Variants in DNAAF1 observed in about 807,000 individuals in gnomAD.
DNAAF1 encodes the protein dynein axonemal assembly factor 1, also known as dynein assembly factor 1, axonemal.
DNAAF1 carries 65 observed loss-of-function variants against 71.1 expected under a neutral mutation model. The observed-to-expected ratio is 0.91, with a 90% CI of 0.75 to 1.12. The LOEUF is 1.12. Ranked by LOEUF, DNAAF1 falls within the 50% of genes most tolerant of loss-of-function variation. The pLI is 0.00. For missense variants in DNAAF1, 1,178 were observed against 899.8 expected (o/e 1.31, Z -3.96); for synonymous variants, 414 against 354.6 (o/e 1.17, Z -1.88).
chr16:84,155,438 AGGCTGGTCTCAAACCTCCTG>A lies in DNAAF1; in HGVS notation c.575-140_575-121del, dbSNP rs1597421806. The A allele has an allele frequency of 1.4e-5, 13 of 899,802 alleles. No individual in the cohort carries two copies. In the East Asian group the frequency reaches 3.2e-4, roughly 22 times the overall value. The allele number at this position is 899,802 out of a possible 1,614,324, so 55.7% of individuals were successfully genotyped here. A position where few individuals can be genotyped will look rare whatever the true frequency, so the allele number is the denominator to read the frequency against. On this transcript the variant is annotated intron_variant, in intron 4 of 11. Coordinates refer to ENST00000378553, the MANE Select transcript of DNAAF1 (RefSeq NM_178452.6). ...GATATGGGGTCTCACTGTGTTGCCC[AGGCTGGTCTCAAACCTCCTG>A]GGCTCGAAAGATTCTCCCGCTTTAG...
chr16:84,160,730 C>A (rs530111849), intron 6 of DNAAF1, among the ~76,000 whole-genome samples: 2 of 151,478 alleles, frequency 1.3e-5, no homozygotes, highest in Admixed American at 1.3e-4. Context: ...GTCAGGAGAT[C>A]GAGACCACCC....
rs183349516 is a variant in DNAAF1, at chr16:84,154,779, C to G, written c.555C>G (p.Ile185Met). Residue 185 changes from isoleucine to methionine, a missense_variant, in exon 4 of 12, where the codon ATC becomes ATG. By Grantham distance (10) the Ile-to-Met change is conservative (BLOSUM62 1). Transcript: ENST00000378553. ...CTCTTAACCTCAGCAACAATTACAT[C>G]AAGACCATTGAAAACCTCTGTAAGG... ...LDALNLSNNY[I>M]KTIENLSCLP... 14 of 1,614,048 alleles carry G rather than the reference C, an allele frequency of 8.7e-6. No individual in the cohort carries two copies. In the Admixed American group the frequency reaches 1.2e-4, roughly 13 times the overall value.
rs138838276 is a variant in DNAAF1, at chr16:84,170,327, C to G, written c.1499C>G (p.Pro500Arg). 230 of 1,611,858 alleles carry G rather than the reference C, an allele frequency of 1.4e-4. 1 individual carries two copies. The African/African-American group carries it at 2.9e-3, about 20-fold the overall frequency. Residue 500 changes from proline to arginine, a missense_variant, in exon 8 of 12, where the codon CCA becomes CGA. Coordinates refer to ENST00000378553, the MANE Select transcript of DNAAF1 (RefSeq NM_178452.6). ...PEGTLPAEAP[P>R]PPPLGAAREE... ...GGGACCCTCCCAGCTGAGGCCCCAC[C>G]ACCACCGCCCCTGGGAGCTGCCAGG... is the stretch of plus-strand genomic sequence containing the variant.
chr16:84,164,560 G>A (rs965023027), intron 6 of DNAAF1, among the ~76,000 whole-genome samples: 1 of 152,190 alleles, frequency 6.6e-6, no homozygotes, highest in Non-Finnish European at 1.5e-5. Context: ...TAGCAAGGAA[G>A]TTAGGCTTCT....
At chr16:84,153,987 C>T (rs1376078495) in intron 3 of DNAAF1, among the ~76,000 whole-genome samples, 1 of 152,136 alleles carries the variant, frequency 6.6e-6, no homozygotes, top group African/African-American at 2.4e-5. Context: ...GTTCGCCTTG[C>T]TTGGCTAAGT....
Position 84,150,260 on chromosome 16 carries a change from A to T in DNAAF1, c.270A>T (p.Lys90Asn), listed in dbSNP as rs372387895. The T allele has an allele frequency of 9.3e-6, 15 of 1,613,184 alleles. No individual in the cohort carries two copies. The African/African-American group carries it at 1.6e-4, about 17-fold the overall frequency. ...DREDRGPRMT[K>N]SSLQKLCKQH... ...TTTTCCATTTTAACAGAATGACTAA[A>T]AGTTCCCTGCAAAAACTCTGCAAGC... Residue 90 changes from lysine (K) to asparagine (N), a missense_variant, in exon 3 of 12, where the codon AAA becomes AAT. Lys to Asn is a moderately conservative substitution (Grantham distance 94). Coordinates refer to ENST00000378553, the MANE Select transcript of DNAAF1 (RefSeq NM_178452.6).
At chr16:84,172,739 G>A in intron 9 of DNAAF1, 2 of 1,164,500 alleles carry the variant, frequency 1.7e-6, no homozygotes, top group Non-Finnish European at 2.1e-6. Context: ...CGTGGTGAGA[G>A]TTACATTGTA....
At chr16:84,157,778 T>A (rs990841738) in intron 5 of DNAAF1, among the ~76,000 whole-genome samples, 29 of 152,328 alleles carry the variant, frequency 1.9e-4, no homozygotes, top group Middle Eastern at 3.4e-3. Flanking sequence ...CTGTAGTGTG[T>A]ACTATCAAAA....
In DNAAF1 at chr16:84,161,893, C is replaced by T. The variant is rs866559253; in HGVS notation, c.863+2097C>T. Among the ~76,000 whole-genome samples, 3 of 152,196 alleles carry T rather than the reference C, an allele frequency of 2.0e-5. No individual in the cohort carries two copies. The South Asian group carries it at 6.2e-4, about 32-fold the overall frequency. On this transcript the variant is annotated intron_variant, in intron 6 of 11. Coordinates refer to ENST00000378553, the MANE Select transcript of DNAAF1 (RefSeq NM_178452.6). Reference sequence around the variant, plus strand: ...ATATACTCATTTCTTTGTTTAGGGTCTGTCTTCCCCGACTAAAAGGGCTCC... The same window carrying T: ...ATATACTCATTTCTTTGTTTAGGGTTTGTCTTCCCCGACTAAAAGGGCTCC...
At chr16:84,168,879 T>C (rs968609150) in intron 7 of DNAAF1, among the ~76,000 whole-genome samples, 1 of 147,010 alleles carries the variant, frequency 6.8e-6, no homozygotes, top group Non-Finnish European at 1.5e-5. Context: ...CCTGAACCAT[T>C]TGAAGATAAA....
intron 3 of DNAAF1, among the ~76,000 whole-genome samples, chr16:84,153,074 G>T (rs1288957529): frequency 6.6e-6 from 1 of 152,144 alleles, no homozygotes; most frequent in African/African-American, 2.4e-5. Flanking sequence ...AATGTGACCA[G>T]TTACTGGCTG....
chr16:84,174,475 A>G (rs1193504648), intron 9 of DNAAF1, 194 bp from the exon 10 acceptor site: 1 of 1,463,936 alleles, frequency 6.8e-7, no homozygotes, highest in East Asian at 2.5e-5. Flanking sequence ...AGATCCAGAC[A>G]CCTGAGGTGG....
At chr16:84,168,443 T>G (rs1007582746) in intron 7 of DNAAF1, among the ~76,000 whole-genome samples, 1 of 152,162 alleles carries the variant, frequency 6.6e-6, no homozygotes, top group African/African-American at 2.4e-5. Flanking sequence ...TTGACTAATA[T>G]TTTTATTTTT....
intron 7 of DNAAF1, among the ~76,000 whole-genome samples, chr16:84,167,361 G>T (rs1424431397): frequency 6.6e-6 from 1 of 152,106 alleles, no homozygotes; most frequent in Non-Finnish European, 1.5e-5. Context: ...AGTTTAGGGG[G>T]TTTTCCAGAA....
chr16:84,155,792 A>T (rs1347510863), intron 5 of DNAAF1, 43 bp downstream of exon 5: 32 of 1,608,474 alleles, frequency 2.0e-5, no homozygotes, highest in Non-Finnish European at 2.7e-5. Flanking sequence ...ACCACAGGAA[A>T]CCGCTTCTAT....
chr16:84,177,918 A>G lies in DNAAF1; in HGVS notation c.*77A>G. On this transcript the variant is annotated 3_prime_UTR_variant, in exon 12 of 12. Transcript: ENST00000378553. ...AGGCATGATAAACATTTTAACACCCACGCGAGTCAGTGTATGATTGGGCTA... is the reference window on the plus strand; with the variant it reads ...AGGCATGATAAACATTTTAACACCCGCGCGAGTCAGTGTATGATTGGGCTA... 4 of 1,232,796 alleles carry G rather than the reference A, an allele frequency of 3.2e-6. No homozygotes were observed. Among genetic ancestry groups the G allele is most frequent in the Non-Finnish European group, 4.8e-6 (4 of 840,774 alleles). 76.4% of individuals were successfully genotyped at this position (1,232,796 alleles called of 1,614,324 possible).
intron 8 of DNAAF1, among the ~76,000 whole-genome samples, chr16:84,171,741 C>A (rs1447957102): frequency 2.0e-5 from 3 of 152,164 alleles, no homozygotes; most frequent in Non-Finnish European, 1.5e-5. Flanking sequence ...CTGGCCGGTG[C>A]TCTTCATCTC....
chr16:84,174,472 G>A, intron 9 of DNAAF1, 197 bp from the exon 10 acceptor site: 1 of 1,453,164 alleles, frequency 6.9e-7, no homozygotes, highest in Non-Finnish European at 9.1e-7. Context: ...ATTAGATCCA[G>A]ACACCTGAGG....
At chr16:84,149,201 AC>A in intron 2 of DNAAF1, 59 bp downstream of exon 2, 1 of 1,594,120 alleles carries the variant, frequency 6.3e-7, no homozygotes, top group Non-Finnish European at 8.6e-7. Context: ...TGGCGTAATC[AC>A]CCCCTTGTAC....
Sources: gnomAD v4.1 joint callset for allele counts (sites outside exome capture counted in the v4.1 genomes callset) on GRCh38, gnomAD v4.1.1 for gene constraint, MANE v1.5 for transcripts, NCBI Gene and HGNC (gene_info 2026-07-23, HGNC 2026-07-21) for gene names.